ITGAV: variants seen among roughly 807,000 people sequenced by gnomAD.
The protein encoded by ITGAV is integrin alpha-V.
ITGAV carries 76 observed loss-of-function variants against 143.8 expected under a neutral mutation model. That is an observed-to-expected ratio of 0.53 (90% CI 0.44 to 0.64). ITGAV has a LOEUF of 0.64. Among genes scored for constraint, ITGAV ranks in the 30% least tolerant of loss-of-function variants. The probability of loss-of-function intolerance (pLI) is 0.00; values close to 1 mark genes in which losing one functional copy is unlikely to be tolerated. For missense variants in ITGAV, 1,193 were observed against 1,274.7 expected, an observed-to-expected ratio of 0.94 and a Z score of 0.98; for synonymous variants, 453 against 446.7, an observed-to-expected ratio of 1.01 and a Z score of -0.18.
chr2:186,595,395 T>C (rs1315506476), intron 1 of ITGAV, among the ~76,000 whole-genome samples: 1 of 152,208 alleles, frequency 6.6e-6, no homozygotes, highest in Non-Finnish European at 1.5e-5. Flanking sequence ...ACAGTTTGGA[T>C]AGGGAGTGCA....
At position 186,602,035 on chromosome 2, in the gene ITGAV, T is replaced by C; in HGVS notation, c.200T>C (p.Leu67Pro). 1 of 1,609,512 alleles carries C rather than the reference T, an allele frequency of 6.2e-7. No individual in the cohort carries two copies. The highest frequency in any genetic ancestry group is 1.1e-5 in the South Asian group (1 of 89,840). ...VPSASSRMFL[L>P]VGAPKANTTQ... ...TTGTATTTTAGCCGGATGTTTCTTC[T>C]CGTGGGAGCTCCCAAAGCAAACACC... The change falls in exon 2 of 30, where the codon CTC becomes CCC. Residue 67 changes from leucine to proline, a missense_variant. By Grantham distance (98) the Leu-to-Pro change is moderately conservative (BLOSUM62 -3). Transcript: ENST00000261023.
intron 12 of ITGAV, among the ~76,000 whole-genome samples, chr2:186,642,327 T>TA (rs1002829818): frequency 1.3e-5 from 2 of 152,012 alleles, no homozygotes; most frequent in Non-Finnish European, 2.9e-5. Context: ...TATGCCCCCT[T>TA]AAAACCTAAA....
chr2:186,618,408 A>T (rs1687427889), intron 2 of ITGAV, among the ~76,000 whole-genome samples: 1 of 152,206 alleles, frequency 6.6e-6, no homozygotes, highest in Non-Finnish European at 1.5e-5. Context: ...GATATGTCAA[A>T]TTTGTACTGA....
chr2:186,617,378 G>C (rs1357707197), intron 2 of ITGAV, among the ~76,000 whole-genome samples: 1 of 152,192 alleles, frequency 6.6e-6, no homozygotes, highest in Non-Finnish European at 1.5e-5. Flanking sequence ...GAAACACCGG[G>C]GAAAAGAGTT....
At chr2:186,644,978 G>A (rs1314533716) in intron 12 of ITGAV, among the ~76,000 whole-genome samples, 1 of 152,164 alleles carries the variant, frequency 6.6e-6, no homozygotes, top group African/African-American at 2.4e-5. Context: ...GACAGCTCGT[G>A]TACATTAAGG....
chr2:186,658,655 G>C (rs1688654425), intron 17 of ITGAV, among the ~76,000 whole-genome samples: 1 of 152,076 alleles, frequency 6.6e-6, no homozygotes, highest in South Asian at 2.1e-4. Context: ...CAGAAAGCAA[G>C]TCACAGAAGA....
chr2:186,614,336 T>C (rs1687295124), intron 2 of ITGAV, among the ~76,000 whole-genome samples: 1 of 152,078 alleles, frequency 6.6e-6, no homozygotes, highest in Admixed American at 6.5e-5. Flanking sequence ...TGTGTAAATA[T>C]ACAAAATACA....
At chr2:186,602,222 A>G in intron 2 of ITGAV, 71 bp downstream of exon 2, 1 of 1,331,964 alleles carries the variant, frequency 7.5e-7, no homozygotes, top group African/African-American at 1.5e-5. Context: ...GTTTAGTTTA[A>G]ATGTAGCCAT....
chr2:186,644,395 G>A (rs553756128), intron 12 of ITGAV, among the ~76,000 whole-genome samples: 208 of 151,440 alleles, frequency 1.4e-3, no homozygotes, highest in African/African-American at 4.5e-3. Flanking sequence ...GCACGATATC[G>A]GCTCACTGCA....
At position 186,640,298 on chromosome 2, in the gene ITGAV, C is replaced by G. The variant is rs867459098; in HGVS notation, c.904-617C>G. ...TGTGCATTATAAGCTCATAATAAAC[C>G]CAAACACATTTGTACTGTGTGTGAT... On this transcript the variant is annotated intron_variant, in intron 10 of 29. Transcript: ENST00000261023. 3.9e-5 allele frequency among the ~76,000 whole-genome samples: 6 copies of G among 152,092 alleles called. No individual in the cohort carries two copies. In the South Asian group the frequency reaches 6.2e-4, roughly 16 times the overall value.
chr2:186,616,298 A>C (rs1423173291), intron 2 of ITGAV, among the ~76,000 whole-genome samples: 2 of 60,218 alleles, frequency 3.3e-5, no homozygotes, highest in Admixed American at 2.8e-4. Flanking sequence ...TTTTTTTTTG[A>C]GACGGAGTCT....
chr2:186,606,198 G>A (rs1476286971), intron 2 of ITGAV, among the ~76,000 whole-genome samples: 2 of 152,096 alleles, frequency 1.3e-5, no homozygotes, highest in African/African-American at 4.8e-5. Flanking sequence ...TCCCATCTTA[G>A]CCCAAACATA....
chr2:186,666,871 TAGC>T, intron 22 of ITGAV, 88 bp downstream of exon 22: 2 of 646,002 alleles, frequency 3.1e-6, no homozygotes, highest in Non-Finnish European at 4.9e-6. Flanking sequence ...AAATATAAAG[TAGC>T]AGATTAAATT....
chr2:186,628,378 A>G (rs1208283795), intron 4 of ITGAV, among the ~76,000 whole-genome samples: 1 of 152,088 alleles, frequency 6.6e-6, no homozygotes, highest in Non-Finnish European at 1.5e-5. Context: ...CCTGACTTAT[A>G]TGGACACCGT....
At chr2:186,593,361 A>G (rs1277545766) in intron 1 of ITGAV, among the ~76,000 whole-genome samples, 5 of 152,212 alleles carry the variant, frequency 3.3e-5, no homozygotes, top group African/African-American at 1.2e-4. Context: ...CAAAATGTTA[A>G]GGCGGCCCCT....
chr2:186,606,015 G>A (rs1406625828), intron 2 of ITGAV, among the ~76,000 whole-genome samples: 1 of 151,886 alleles, frequency 6.6e-6, no homozygotes, highest in East Asian at 1.9e-4. Flanking sequence ...TTATTCAAAT[G>A]GTGTTTATTT....
chr2:186,594,500 A>G (rs2105644729), intron 1 of ITGAV, among the ~76,000 whole-genome samples: 1 of 152,310 alleles, frequency 6.6e-6, no homozygotes. Context: ...TGACAAGCAT[A>G]GTCAGTGGCA....
chr2:186,597,242 C>T (rs1574457478), intron 1 of ITGAV, among the ~76,000 whole-genome samples: 1 of 152,112 alleles, frequency 6.6e-6, no homozygotes, highest in African/African-American at 2.4e-5. Context: ...AAGGCCTTCT[C>T]CTAATAACTT....
At chr2:186,653,924 C>T (rs1347601101) in intron 15 of ITGAV, among the ~76,000 whole-genome samples, 2 of 152,176 alleles carry the variant, frequency 1.3e-5, no homozygotes, top group African/African-American at 4.8e-5. Flanking sequence ...ATGCTGAACA[C>T]AACCCATTAA....
Sources: allele counts gnomAD v4.1 joint callset (sites outside exome capture counted in the v4.1 genomes callset), GRCh38; gene constraint gnomAD v4.1.1; transcripts MANE v1.5; gene names NCBI Gene and HGNC (gene_info 2026-07-23, HGNC 2026-07-21).